The following RABGAP1 variants were observed in gnomAD, a reference collection of about 807,000 sequenced individuals.
RABGAP1 encodes the protein rab GTPase-activating protein 1.
Under a neutral mutation model 137.6 loss-of-function variants are expected in RABGAP1, and 23 were observed. The observed-to-expected ratio is 0.17, with a 90% CI of 0.12 to 0.24. The LOEUF (loss-of-function observed/expected upper bound fraction) is 0.24. RABGAP1 is among the 10% of genes least tolerant of loss of function. The pLI is 1.00. For synonymous variants in RABGAP1, 451 were observed against 450.7 expected, an observed-to-expected ratio of 1.00 and a Z score of -0.01; for missense variants, 906 against 1,275.8, an observed-to-expected ratio of 0.71 and a Z score of 4.42.
At chr9:122,972,904 A>G (rs1402437455) in intron 2 of RABGAP1, among the ~76,000 whole-genome samples, 2 of 151,648 alleles carry the variant, frequency 1.3e-5, no homozygotes, top group East Asian at 3.9e-4. Flanking sequence ...GGGAGGCCAA[A>G]GTGGGAGGAT....
At chr9:123,024,540 A>G (rs536624000) in intron 13 of RABGAP1, among the ~76,000 whole-genome samples, 2 of 152,070 alleles carry the variant, frequency 1.3e-5, no homozygotes, top group East Asian at 3.9e-4. Context: ...CCCGGGTTCA[A>G]ACGATTCTCC....
At chr9:123,020,600 A>G in intron 13 of RABGAP1, 141 bp downstream of exon 13, 1 of 946,392 alleles carries the variant, frequency 1.1e-6, no homozygotes, top group Non-Finnish European at 1.4e-6. Context: ...CAGCTCTAAC[A>G]TGTTTTTTCT....
intron 11 of RABGAP1, among the ~76,000 whole-genome samples, chr9:123,013,351 A>G (rs2030970697): frequency 1.4e-5 from 2 of 139,060 alleles, no homozygotes; most frequent in African/African-American, 5.0e-5. Context: ...TTTTTTTTTG[A>G]GATGGAGTCT....
chr9:122,944,584 C>T (rs1056949196), intron 1 of RABGAP1, among the ~76,000 whole-genome samples: 9 of 151,098 alleles, frequency 6.0e-5, no homozygotes, highest in African/African-American at 1.9e-4. Context: ...TGGAGTGTGG[C>T]GGCACGATAT....
At chr9:123,023,650 A>T (rs1449166766) in intron 13 of RABGAP1, among the ~76,000 whole-genome samples, 2 of 152,234 alleles carry the variant, frequency 1.3e-5, no homozygotes, top group Non-Finnish European at 2.9e-5. Flanking sequence ...CTTTAAAAAT[A>T]TATTCGGCTA....
intron 12 of RABGAP1, among the ~76,000 whole-genome samples, chr9:123,018,435 A>G (rs7864860): frequency 0.056 from 8,498 of 152,272 alleles, 771 homozygotes; most frequent in African/African-American, 0.19. Context: ...TTGCAGGCTA[A>G]TAGTCTGTCA....
At chr9:123,037,691 T>C (rs2032733855) in intron 13 of RABGAP1, among the ~76,000 whole-genome samples, 1 of 152,186 alleles carries the variant, frequency 6.6e-6, no homozygotes, top group Non-Finnish European at 1.5e-5. Context: ...TGTTGAAAAA[T>C]TGATATTAAA....
At position 123,000,679 on chromosome 9, in the gene RABGAP1, T is replaced by G. The variant is rs1424817855; in HGVS notation, c.1374+1913T>G. Among the ~76,000 whole-genome samples, 8 of 152,138 alleles carry G rather than the reference T, an allele frequency of 5.3e-5. No homozygotes were observed. The East Asian group carries it at 1.5e-3, about 29-fold the overall frequency. Reference sequence around the variant, plus strand: ...TCATCATTTATAGCAATAGCCTTTTTTTTTTCTTTTTTAAAATATAGATGG... The same window carrying G: ...TCATCATTTATAGCAATAGCCTTTTGTTTTTCTTTTTTAAAATATAGATGG... On this transcript the variant is annotated intron_variant, in intron 10 of 25. Coordinates refer to ENST00000373647, the MANE Select transcript of RABGAP1 (RefSeq NM_012197.4).
At chr9:122,942,295 T>G (rs1314936200) in intron 1 of RABGAP1, among the ~76,000 whole-genome samples, 1 of 152,236 alleles carries the variant, frequency 6.6e-6, no homozygotes, top group East Asian at 1.9e-4. Context: ...AACTTTTTTT[T>G]AAACGAAGGA....
chr9:122,948,920 G>C (rs1263820763), intron 1 of RABGAP1, among the ~76,000 whole-genome samples: 1 of 152,126 alleles, frequency 6.6e-6, no homozygotes, highest in African/African-American at 2.4e-5. Flanking sequence ...AACACTGCCC[G>C]TAAGTAAGGA....
chr9:122,993,719 A>G (rs1021041343), intron 6 of RABGAP1, among the ~76,000 whole-genome samples: 1 of 152,166 alleles, frequency 6.6e-6, no homozygotes, highest in African/African-American at 2.4e-5. Context: ...GCTGGCGTAC[A>G]GTGGCGCAGT....
intron 2 of RABGAP1, among the ~76,000 whole-genome samples, chr9:122,969,052 G>A (rs1835328870): frequency 6.6e-6 from 1 of 152,202 alleles, no homozygotes; most frequent in Non-Finnish European, 1.5e-5. Context: ...TGCACTGCAT[G>A]ACAGCATTTC....
chr9:123,067,834 G>A (rs1462513037), intron 14 of RABGAP1, among the ~76,000 whole-genome samples: 2 of 152,042 alleles, frequency 1.3e-5, no homozygotes, highest in Non-Finnish European at 2.9e-5. Flanking sequence ...AATTTCACAC[G>A]TATATGATTC....
rs1836596266 is a variant in RABGAP1, at chr9:122,990,155, A to G, written c.865A>G (p.Ile289Val). ...TAAPQTPDSD[I>V]FTFSVSLEIK... ...TGCACCCCAGACTCCTGACAGTGACATCTTTACCTTCTCTGTGTCTTTAGA... is the reference window on the plus strand; with the variant it reads ...TGCACCCCAGACTCCTGACAGTGACGTCTTTACCTTCTCTGTGTCTTTAGA... Residue 289 changes from isoleucine (I) to valine (V), a missense_variant, in exon 6 of 26, where the codon ATC becomes GTC. Ile to Val is a conservative substitution (Grantham distance 29, BLOSUM62 3). Transcript: ENST00000373647. 4.3e-6 allele frequency: 7 copies of G among 1,612,174 alleles called. No homozygotes were observed. The highest frequency in any genetic ancestry group is 5.9e-6 in the Non-Finnish European group (7 of 1,178,266).
Position 122,989,297 on chromosome 9 carries a change from A to T in RABGAP1, c.591A>T (p.Arg197Ser). 1 of 1,610,940 alleles carries T rather than the reference A, an allele frequency of 6.2e-7. No individual in the cohort carries two copies. Among genetic ancestry groups the T allele is most frequent in the Non-Finnish European group, 8.5e-7 (1 of 1,177,662 alleles). The change falls in exon 5 of 26, where the codon AGA becomes AGT. Residue 197 changes from arginine to serine, a missense_variant and splice_region_variant. Transcript: ENST00000373647. Reference sequence around the variant, plus strand: ...TCTCTGTATCTTTTTCTCTGAACAGACTCTTAGATCCTCAGACAAACACTG... The same window carrying T: ...TCTCTGTATCTTTTTCTCTGAACAGTCTCTTAGATCCTCAGACAAACACTG... ...SVPNVSEGIV[R>S]LLDPQTNTEI...
intron 2 of RABGAP1, among the ~76,000 whole-genome samples, chr9:122,968,323 A>G (rs1835284649): frequency 6.6e-6 from 1 of 151,100 alleles, no homozygotes; most frequent in African/African-American, 2.4e-5. Flanking sequence ...ACTGATTTCA[A>G]ATGATTCTCA....
intron 6 of RABGAP1, among the ~76,000 whole-genome samples, chr9:122,991,990 T>G (rs1376852859): frequency 6.6e-6 from 1 of 152,140 alleles, no homozygotes; most frequent in East Asian, 1.9e-4. Flanking sequence ...TCTGTATAAT[T>G]TTAAGTAGTT....
At chr9:123,072,050 G>A (rs2132144229) in intron 15 of RABGAP1, among the ~76,000 whole-genome samples, 1 of 151,700 alleles carries the variant, frequency 6.6e-6, no homozygotes, top group South Asian at 2.1e-4. Flanking sequence ...ACAAGTTTGA[G>A]TATCCCTTAT....
rs1038488217 is a variant in RABGAP1, at chr9:122,989,937, A to G, written c.766-119A>G. ...GGCCTAACAAATTAGGTAATTTACC[A>G]AAAGAAATAAGTGGGATAAAGATAA... On this transcript the variant is annotated intron_variant, in intron 5 of 25. Coordinates refer to ENST00000373647, the MANE Select transcript of RABGAP1 (RefSeq NM_012197.4). The G allele has an allele frequency of 1.3e-5, 16 of 1,194,322 alleles. No individual in the cohort carries two copies. The Admixed American group carries it at 1.8e-4, about 14-fold the overall frequency. 74.0% of individuals were successfully genotyped at this position (1,194,322 alleles called of 1,614,324 possible).
Sources: allele counts gnomAD v4.1 joint callset (sites outside exome capture counted in the v4.1 genomes callset), GRCh38; gene constraint gnomAD v4.1.1; transcripts MANE v1.5; gene names NCBI Gene and HGNC (gene_info 2026-07-23, HGNC 2026-07-21).